The following PPP2R3C variants were observed in gnomAD, a reference collection of about 807,000 sequenced individuals.
The protein encoded by PPP2R3C is serine/threonine-protein phosphatase 2A regulatory subunit B'' subunit gamma.
In PPP2R3C, 47 loss-of-function variants were observed where a neutral mutation model predicts 63.7. The ratio of observed to expected loss-of-function variants is 0.74; its 90% CI spans 0.58 to 0.94. The LOEUF (loss-of-function observed/expected upper bound fraction) is 0.94, where lower values mean the gene tolerates loss of function less well. PPP2R3C is among the 40% of genes least tolerant of loss of function. The pLI, the probability that PPP2R3C is intolerant of heterozygous loss-of-function variation, is 0.00. For synonymous variants in PPP2R3C, 180 were observed against 177.4 expected (o/e 1.01, Z -0.12); for missense variants, 421 against 518.4 (o/e 0.81, Z 1.82).
In PPP2R3C at chr14:35,116,739, TG is replaced by T; in HGVS notation, c.59-3del. On this transcript the variant is annotated splice_region_variant and splice_polypyrimidine_tract_variant and intron_variant, in intron 1 of 12. Coordinates refer to ENST00000261475, the MANE Select transcript of PPP2R3C (RefSeq NM_017917.4). The stretch of plus-strand genomic sequence containing the variant: ...TTAATTCTTGTTCACTTTTTTTTTC[TG>T]GTAACAAAACAGATTAAGGGGAGCA... 1 of 1,579,572 alleles carries T rather than the reference TG, an allele frequency of 6.3e-7. No homozygotes were observed. Among genetic ancestry groups the T allele is most frequent in the Non-Finnish European group, 8.6e-7 (1 of 1,160,000 alleles).
chr14:35,116,524 G>C (rs1178711276), intron 2 of PPP2R3C, 86 bp downstream of exon 2: 7 of 1,101,928 alleles, frequency 6.4e-6, no homozygotes, highest in Non-Finnish European at 8.6e-6. Flanking sequence ...CAAAGTGTTG[G>C]GATTACAGGT....
intron 1 of PPP2R3C, among the ~76,000 whole-genome samples, chr14:35,121,141 G>A (rs1225139297): frequency 6.6e-6 from 1 of 152,306 alleles, no homozygotes; most frequent in East Asian, 1.9e-4. Context: ...CACTTTGGGA[G>A]GCCGAGGTGG....
chr14:35,099,496 T>C lies in PPP2R3C; in HGVS notation c.574-112A>G, dbSNP rs941563828. 4.8e-6 allele frequency: 6 copies of C among 1,261,188 alleles called. No homozygotes were observed. In the Admixed American group the frequency reaches 1.8e-4, roughly 37 times the overall value. The allele number at this position is 1,261,188 out of a possible 1,614,324, so 78.1% of individuals were successfully genotyped here. A position where few individuals can be genotyped will look rare whatever the true frequency, so the allele number is the denominator to read the frequency against. On this transcript the variant is annotated intron_variant, in intron 6 of 12. Coordinates refer to ENST00000261475, the MANE Select transcript of PPP2R3C (RefSeq NM_017917.4). ...AATACTATATTGATAAAGAAATAAA[T>C]GCATGACTATTTTAGTGGTAAAACT...
intron 6 of PPP2R3C, chr14:35,101,825 A>G (rs919093687): frequency 2.6e-5 from 4 of 151,830 alleles, no homozygotes; most frequent in Admixed American, 6.6e-5. Context: ...TTTATATATT[A>G]GGGTAATTGG....
At chr14:35,119,697 G>C (rs2046807952) in intron 1 of PPP2R3C, among the ~76,000 whole-genome samples, 1 of 151,936 alleles carries the variant, frequency 6.6e-6, no homozygotes, top group South Asian at 2.1e-4. Flanking sequence ...TTAACAGCAC[G>C]TTTGTGCTGG....
chr14:35,097,372 C>T (rs1012821033), intron 7 of PPP2R3C, among the ~76,000 whole-genome samples: 4 of 151,990 alleles, frequency 2.6e-5, no homozygotes, highest in East Asian at 1.9e-4. Context: ...TGCTGGTACA[C>T]GAACAGGGAC....
chr14:35,119,076 C>T (rs8019482), intron 1 of PPP2R3C, among the ~76,000 whole-genome samples: 16,067 of 146,870 alleles, frequency 0.11, 1,127 homozygotes, highest in African/African-American at 0.2. Flanking sequence ...CTCGTTCTAT[C>T]GCCCAGGCTG....
Position 35,121,929 on chromosome 14 carries a change from G to A in PPP2R3C, c.31C>T (p.Leu11=), listed in dbSNP as rs1272091621. MDWKEVLRRR[L]ATPNTCPNKK... ...TTTGGACAGGTGTTGGGCGTCGCTA[G>A]GCGCCGACGAAGAACTTCTTTCCAG... Residue 11 remains leucine, a synonymous_variant, in exon 1 of 13, where the codon CTA becomes TTA. Coordinates refer to ENST00000261475, the MANE Select transcript of PPP2R3C (RefSeq NM_017917.4). 6.2e-7 allele frequency: 1 copy of A among 1,614,202 alleles called. No individual in the cohort carries two copies. The highest frequency in any genetic ancestry group is 8.5e-7 in the Non-Finnish European group (1 of 1,180,040).
chr14:35,090,993 G>C, intron 11 of PPP2R3C, 77 bp downstream of exon 11: 1 of 1,382,248 alleles, frequency 7.2e-7, no homozygotes, highest in Non-Finnish European at 9.9e-7. Flanking sequence ...GGGATTACAG[G>C]CGTGAGCCAC....
At chr14:35,121,380 C>T (rs1035944034) in intron 1 of PPP2R3C, among the ~76,000 whole-genome samples, 11 of 151,572 alleles carry the variant, frequency 7.3e-5, no homozygotes, top group African/African-American at 2.7e-4. Flanking sequence ...GAGACTCCGT[C>T]TCAAAAAAAA....
At chr14:35,106,736 C>T (rs2046375515) in intron 6 of PPP2R3C, among the ~76,000 whole-genome samples, 1 of 148,102 alleles carries the variant, frequency 6.8e-6, no homozygotes, top group East Asian at 2.0e-4. Flanking sequence ...GGCGCTATCT[C>T]GGTTCACAGC....
chr14:35,108,092 T>G (rs761482304), intron 5 of PPP2R3C, 47 bp downstream of exon 5: 2 of 1,588,462 alleles, frequency 1.3e-6, no homozygotes, highest in Admixed American at 3.7e-5. Context: ...ACCAAAAACC[T>G]ACTTGATTCC....
chr14:35,120,846 T>C (rs2046857804), intron 1 of PPP2R3C, among the ~76,000 whole-genome samples: 1 of 151,756 alleles, frequency 6.6e-6, no homozygotes. Context: ...CTCAAGAGGC[T>C]GGGGTGGGAA....
At chr14:35,096,367 T>C (rs1305734923) in intron 9 of PPP2R3C, among the ~76,000 whole-genome samples, 191 bp downstream of exon 9, 5 of 152,040 alleles carry the variant, frequency 3.3e-5, no homozygotes, top group East Asian at 1.9e-4. Flanking sequence ...AAAGAAAAGG[T>C]TGGGGGGAGT....
At chr14:35,106,701 CTT>C (rs1324533252) in intron 6 of PPP2R3C, among the ~76,000 whole-genome samples, 10 of 115,740 alleles carry the variant, frequency 8.6e-5, no homozygotes, top group African/African-American at 3.0e-4. Flanking sequence ...GAGTTTCACT[CTT>C]GTTGCCCAGG....
intron 2 of PPP2R3C, among the ~76,000 whole-genome samples, chr14:35,115,376 C>G (rs2046680610): frequency 6.6e-6 from 1 of 151,540 alleles, no homozygotes. Flanking sequence ...CAGACTGGTT[C>G]TCAAACTCCT....
At chr14:35,122,102 C>T (rs768546816), upstream of PPP2R3C, 102 of 784,106 alleles carry the variant, frequency 1.3e-4, 1 homozygote, top group Non-Finnish European at 1.8e-4. Context: ...GAAGTCTTGG[C>T]TAAAGAGGCA....
intron 1 of PPP2R3C, among the ~76,000 whole-genome samples, chr14:35,119,085 TG>T (rs1397414292): frequency 1.3e-5 from 2 of 151,002 alleles, no homozygotes; most frequent in Non-Finnish European, 2.9e-5. Context: ...TCGCCCAGGC[TG>T]GAGAGCAGTG....
chr14:35,091,037 G>C, intron 11 of PPP2R3C, 33 bp downstream of exon 11: 1 of 1,570,122 alleles, frequency 6.4e-7, no homozygotes, highest in Non-Finnish European at 8.7e-7. Flanking sequence ...ATATCTTAAG[G>C]AACAATGACT....
Sources: allele counts gnomAD v4.1 joint callset (sites outside exome capture counted in the v4.1 genomes callset), GRCh38; gene constraint gnomAD v4.1.1; transcripts MANE v1.5; gene names NCBI Gene and HGNC (gene_info 2026-07-23, HGNC 2026-07-21).